CALN1: variants seen among roughly 807,000 people sequenced by gnomAD.
The protein encoded by CALN1 is calcium-binding protein 8.
Under a neutral mutation model 30.6 loss-of-function variants are expected in CALN1, and 17 were observed. That is an observed-to-expected ratio of 0.56 (90% confidence interval 0.38 to 0.83). The LOEUF (loss-of-function observed/expected upper bound fraction) is 0.83, where lower values mean the gene tolerates loss of function less well. CALN1 is among the 40% of genes least tolerant of loss of function. The pLI is 0.00. For missense variants in CALN1, 291 were observed against 354.9 expected (o/e 0.82, Z 1.45); for synonymous variants, 156 against 131.4 (o/e 1.19, Z -1.28).
In CALN1 at chr7:72,200,189, G is replaced by A. The variant is rs1354968781; in HGVS notation, c.244+78497C>T. 2.6e-5 allele frequency among the ~76,000 whole-genome samples: 4 copies of A among 152,068 alleles called. No homozygotes were observed. The East Asian group carries it at 7.7e-4, about 29-fold the overall frequency. On this transcript the variant is annotated intron_variant, in intron 3 of 6. Coordinates refer to ENST00000395275, the MANE Select transcript of CALN1 (RefSeq NM_031468.4). ...GGGGGGAGTGGAGGGGAGTGGCAAT[G>A]ACACATTTTTGAGACAGCATGTATG...
intron 5 of CALN1, among the ~76,000 whole-genome samples, chr7:71,870,698 C>T (rs977230861): frequency 5.9e-5 from 9 of 152,008 alleles, no homozygotes; most frequent in Non-Finnish European, 1.2e-4. Flanking sequence ...ACCAATCAGC[C>T]GAGATCAATA....
At chr7:72,149,589 T>G (rs555224434) in intron 3 of CALN1, among the ~76,000 whole-genome samples, 1 of 152,232 alleles carries the variant, frequency 6.6e-6, no homozygotes, top group South Asian at 2.1e-4. Context: ...TTAGCTCACC[T>G]TTCCCACCCT....
chr7:72,122,047 C>T (rs1808434985), intron 3 of CALN1, among the ~76,000 whole-genome samples: 1 of 151,966 alleles, frequency 6.6e-6, no homozygotes, highest in Admixed American at 6.6e-5. Context: ...CGTCACACAG[C>T]CACAGGCATC....
At chr7:72,157,984 A>T (rs1291648511) in intron 3 of CALN1, among the ~76,000 whole-genome samples, 2 of 152,134 alleles carry the variant, frequency 1.3e-5, no homozygotes, top group Non-Finnish European at 2.9e-5. Context: ...ACCTCAGCTG[A>T]TCCACCCATC....
intron 3 of CALN1, among the ~76,000 whole-genome samples, chr7:72,226,093 C>CAAAAAAA (rs35950469): frequency 8.9e-6 from 1 of 111,908 alleles, no homozygotes; most frequent in African/African-American, 3.5e-5. Flanking sequence ...AGACTCCACC[C>CAAAAAAA]AAAAAAAAAA....
intron 4 of CALN1, among the ~76,000 whole-genome samples, chr7:72,094,874 G>T (rs11982267): frequency 0.21 from 31,223 of 152,030 alleles, 3,503 homozygotes; most frequent in East Asian, 0.28. Flanking sequence ...AGTGGCTAGG[G>T]TCTTTCGCCC....
chr7:72,449,064 C>T (rs2129564667), upstream of CALN1, among the ~76,000 whole-genome samples: 1 of 152,218 alleles, frequency 6.6e-6, no homozygotes, highest in East Asian at 1.9e-4. Context: ...AACCCCAGAT[C>T]CCATCTCAGC....
At chr7:72,358,649 G>C (rs1264426820) in intron 2 of CALN1, among the ~76,000 whole-genome samples, 6 of 152,094 alleles carry the variant, frequency 3.9e-5, no homozygotes, top group African/African-American at 1.2e-4. Context: ...AACAAAGATA[G>C]ATGTAAAAAT....
At chr7:72,268,317 G>C (rs1796729441) in intron 3 of CALN1, among the ~76,000 whole-genome samples, 1 of 152,006 alleles carries the variant, frequency 6.6e-6, no homozygotes. Flanking sequence ...GGTAAGCAGG[G>C]AGTTGAAGCA....
intron 5 of CALN1, among the ~76,000 whole-genome samples, chr7:71,915,837 T>C (rs373757606): frequency 6.6e-5 from 10 of 152,200 alleles, no homozygotes; most frequent in Admixed American, 2.6e-4. Flanking sequence ...TTACAATTTC[T>C]TGAGAAAGAA....
intron 4 of CALN1, among the ~76,000 whole-genome samples, chr7:72,056,585 CCTAT>C (rs1418007633): frequency 6.6e-6 from 1 of 151,834 alleles, no homozygotes; most frequent in Non-Finnish European, 1.5e-5. Context: ...TGAAGAAAAT[CCTAT>C]CTAAGCTTAA....
intron 5 of CALN1, among the ~76,000 whole-genome samples, chr7:71,937,458 T>TAG (rs1795903586): frequency 6.6e-6 from 1 of 151,704 alleles, no homozygotes; most frequent in African/African-American, 2.4e-5. Context: ...TATATATATA[T>TAG]ATAGATGTAT....
intron 5 of CALN1, among the ~76,000 whole-genome samples, chr7:71,929,129 T>C (rs573796815): frequency 6.6e-6 from 1 of 152,340 alleles, no homozygotes; most frequent in East Asian, 1.9e-4. Flanking sequence ...TATTTATTTT[T>C]CCAACTTTTA....
chr7:71,812,632 A>G (rs746546925), intron 5 of CALN1, among the ~76,000 whole-genome samples: 4 of 152,122 alleles, frequency 2.6e-5, no homozygotes, highest in Non-Finnish European at 4.4e-5. Flanking sequence ...AATAAAAACC[A>G]CTCAGAAATT....
intron 5 of CALN1, among the ~76,000 whole-genome samples, chr7:71,948,500 C>T (rs573059144): frequency 2.6e-5 from 4 of 152,082 alleles, no homozygotes; most frequent in African/African-American, 7.2e-5. Flanking sequence ...GAGGCTGAGG[C>T]GGGCGGATCA....
chr7:72,473,153 G>A, the CALN1 span, among the ~76,000 whole-genome samples: 2 of 151,190 alleles, frequency 1.3e-5, no homozygotes, highest in African/African-American at 4.9e-5. Context: ...GTCTCACTAT[G>A]TTGCCTAGGC....
intron 3 of CALN1, among the ~76,000 whole-genome samples, chr7:72,169,718 C>T (rs1788803160): frequency 6.6e-6 from 1 of 151,968 alleles, no homozygotes; most frequent in African/African-American, 2.4e-5. Flanking sequence ...AAGACAAAGT[C>T]TCACTGTGTC....
At chr7:72,478,684 T>C in the CALN1 span, among the ~76,000 whole-genome samples, 1 of 152,014 alleles carries the variant, frequency 6.6e-6, no homozygotes, top group East Asian at 1.9e-4. Context: ...GCTGCCTCCA[T>C]GTCCTGACAC....
intron 1 of CALN1, among the ~76,000 whole-genome samples, chr7:72,404,572 G>A (rs1368376676): frequency 2.0e-5 from 3 of 152,212 alleles, no homozygotes; most frequent in Non-Finnish European, 4.4e-5. Flanking sequence ...CATTGCAGCA[G>A]GCAATGGCTT....
Sources: allele counts gnomAD v4.1 joint callset (sites outside exome capture counted in the v4.1 genomes callset), GRCh38; gene constraint gnomAD v4.1.1; transcripts MANE v1.5; gene names NCBI Gene and HGNC (gene_info 2026-07-23, HGNC 2026-07-21).